FAN1: variants seen among roughly 807,000 people sequenced by gnomAD.
The protein encoded by FAN1 is fanconi-associated nuclease 1.
FAN1 carries 91 observed loss-of-function variants against 104.9 expected under a neutral mutation model. The observed-to-expected ratio is 0.87, with a 90% CI of 0.73 to 1.03. The LOEUF (loss-of-function observed/expected upper bound fraction) is 1.03. Ranked by LOEUF, FAN1 falls within the 50% of genes least tolerant of loss-of-function variation. FAN1 has a pLI of 0.00. For synonymous variants in FAN1, 478 were observed against 457.6 expected (o/e 1.04, Z -0.57); for missense variants, 1,263 against 1,239.9 (o/e 1.02, Z -0.28).
chr15:30,926,155 T>C (rs1057405731), intron 10 of FAN1, among the ~76,000 whole-genome samples: 1 of 152,240 alleles, frequency 6.6e-6, no homozygotes, highest in Admixed American at 6.5e-5. Flanking sequence ...TGATCTTTTT[T>C]CTTTTATAAA....
Position 30,941,852 on chromosome 15 carries a change from C to T in FAN1, c.*290C>T, listed in dbSNP as rs758658492. 1 of 1,614,028 alleles carries T rather than the reference C, an allele frequency of 6.2e-7. No homozygotes were observed. The highest frequency in any genetic ancestry group is 8.5e-7 in the Non-Finnish European group (1 of 1,179,898). On this transcript the variant is annotated 3_prime_UTR_variant, in exon 15 of 15. Transcript: ENST00000362065. ...CAGTTTCCACAGTTTTATGTGTGTT[C>T]CAGAGACACGTGGCAGAATAACACC... is the stretch of plus-strand genomic sequence containing the variant.
chr15:30,933,159 G>A (rs2062759451), intron 13 of FAN1, among the ~76,000 whole-genome samples: 3 of 151,832 alleles, frequency 2.0e-5, no homozygotes, highest in South Asian at 2.1e-4. Flanking sequence ...TGATTTTCTC[G>A]AAGAATCAGC....
At chr15:30,936,717 C>T (rs1271251394) in intron 13 of FAN1, among the ~76,000 whole-genome samples, 2 of 152,192 alleles carry the variant, frequency 1.3e-5, no homozygotes, top group African/African-American at 2.4e-5. Context: ...TTAGCTTAGC[C>T]TACCTTAAAT....
intron 8 of FAN1, among the ~76,000 whole-genome samples, chr15:30,923,231 GCTATTTC>G (rs1040934114): frequency 2.6e-5 from 4 of 152,162 alleles, no homozygotes; most frequent in African/African-American, 9.7e-5. Flanking sequence ...AGCCAGTAAA[GCTATTTC>G]CTCTCATGGA....
rs1335641472 is a variant in FAN1, at chr15:30,943,053, T to C, written c.*1491T>C. The C allele has an allele frequency of 8.5e-6, 13 of 1,534,446 alleles. No individual in the cohort carries two copies. Among genetic ancestry groups the C allele is most frequent in the Non-Finnish European group, 1.8e-6 (2 of 1,142,494 alleles). On this transcript the variant is annotated 3_prime_UTR_variant, in exon 15 of 15. Coordinates refer to ENST00000362065, the MANE Select transcript of FAN1 (RefSeq NM_014967.5). The stretch of plus-strand genomic sequence containing the variant: ...GCCCTTCTCATCACCCAATTGGATG[T>C]TTTTGCTTATAGCAAATTCCTGCAA...
rs1450936725 is a variant in FAN1, at chr15:30,929,834, TATA to T, written c.2787+441_2787+443del. 3.0e-4 allele frequency among the ~76,000 whole-genome samples: 22 copies of T among 74,210 alleles called. 6 individuals carry two copies. The highest frequency in any genetic ancestry group is 1.4e-3 in the African/African-American group (17 of 11,842). The allele number at this position is 74,210 out of a possible 152,430, so 48.7% of individuals were successfully genotyped here. On this transcript the variant is annotated intron_variant, in intron 12 of 14. Transcript: ENST00000362065. Reference sequence around the variant, plus strand: ...ATATAATATATTATATCATATATAATATAATATATAAAATATATATCATATATA... The same window carrying T: ...ATATAATATATTATATCATATATAATATATATAAAATATATATCATATATA...
intron 13 of FAN1, among the ~76,000 whole-genome samples, chr15:30,936,019 A>AT (rs541729523): frequency 3.3e-5 from 5 of 150,498 alleles, no homozygotes; most frequent in Non-Finnish European, 5.9e-5. Context: ...TTCTTTAAGT[A>AT]TTTTTTTTTC....
intron 8 of FAN1, among the ~76,000 whole-genome samples, chr15:30,924,617 CT>C (rs1181021084): frequency 2.0e-5 from 3 of 152,170 alleles, no homozygotes; most frequent in Admixed American, 2.0e-4. Context: ...TCCTCCAAAC[CT>C]TTGGCTCCTG....
At chr15:30,925,747 G>C in intron 9 of FAN1, 42 bp from the exon 10 acceptor site, 1 of 1,608,780 alleles carries the variant, frequency 6.2e-7, no homozygotes, top group South Asian at 1.1e-5. Flanking sequence ...AGGGACTTTT[G>C]CTGACCTGAG....
chr15:30,905,150 T>C lies in FAN1; in HGVS notation c.487T>C (p.Tyr163His). 1 of 1,613,768 alleles carries C rather than the reference T, an allele frequency of 6.2e-7. No individual in the cohort carries two copies. Among genetic ancestry groups the C allele is most frequent in the Non-Finnish European group, 8.5e-7 (1 of 1,179,982 alleles). The change falls in exon 2 of 15, where the codon TAC becomes CAC. Residue 163 changes from tyrosine to histidine, a missense_variant. By Grantham distance (83) the Tyr-to-His change is moderately conservative. This residue lies in a region of FAN1 where 682 missense variants were observed against 571.1 expected (regional missense o/e 1.19). Coordinates refer to ENST00000362065, the MANE Select transcript of FAN1 (RefSeq NM_014967.5). ...CCTAGCATCTAAATTGTCCAGAAAA[T>C]ACGTAAAGGCTAAAAAATCAATAGA... Reference protein sequence around the residue: ...GSLASKLSRKYVKAKKSIDKD... With the variant: ...GSLASKLSRKHVKAKKSIDKD...
chr15:30,922,490 T>A, intron 8 of FAN1, 136 bp downstream of exon 8: 1 of 939,910 alleles, frequency 1.1e-6, no homozygotes. Flanking sequence ...CTTTTGTCTG[T>A]GTTCTTCCAA....
At position 30,929,335 on chromosome 15, in the gene FAN1, C is replaced by T; in HGVS notation, c.2725C>T (p.Gln909Ter). The T allele has an allele frequency of 6.2e-7, 1 of 1,611,696 alleles. No homozygotes were observed. The highest frequency in any genetic ancestry group is 8.5e-7 in the Non-Finnish European group (1 of 1,179,050). ...CTGGGTGGCAGCCACGTGGCATGAG[C>T]AGGAAGGCAGAGTGGCTTCCCTTGT... Reference protein sequence around the residue: ...RAWVAATWHEQEGRVASLVSW... With the variant: ...RAWVAATWHE The change falls in exon 12 of 15, where the codon CAG becomes TAG. Residue 909 changes from glutamine (Q) to a stop codon, truncating the protein, a stop_gained. Coordinates refer to ENST00000362065, the MANE Select transcript of FAN1 (RefSeq NM_014967.5). LOFTEE classifies it high-confidence loss of function.
Position 30,908,120 on chromosome 15 carries a change from A to C in FAN1, c.1237A>C (p.Thr413Pro). 1 of 1,594,342 alleles carries C rather than the reference A, an allele frequency of 6.3e-7. No homozygotes were observed. Among genetic ancestry groups the C allele is most frequent in the South Asian group, 1.2e-5 (1 of 85,678 alleles). Residue 413 changes from threonine (T) to proline (P), a missense_variant and splice_region_variant, in exon 3 of 15, where the codon ACT becomes CCT. Physicochemically the swap from Thr to Pro is conservative, Grantham distance 38. Around this residue, in one of 2 missense-constraint regions of FAN1, gnomAD observed 682 missense variants for 571.1 expected, o/e 1.19. Transcript: ENST00000362065. ...CATTTTTCTTAACTTTATTGCAGCTACTGGTCAGAAGTTATATGTAAGGCT... is the reference window on the plus strand; with the variant it reads ...CATTTTTCTTAACTTTATTGCAGCTCCTGGTCAGAAGTTATATGTAAGGCT... ...IVTKFYQLSA[T>P]GQKLYVRLFQ... is the part of the protein sequence containing the mutation.
chr15:30,913,839 T>A lies in FAN1; in HGVS notation c.1578-19T>A, dbSNP rs549794869. ...TGCTTAAAAAGCTAAAAGTTATTTCTACATTGTACATTTTTCAGAGCCAAA... is the reference window on the plus strand; with the variant it reads ...TGCTTAAAAAGCTAAAAGTTATTTCAACATTGTACATTTTTCAGAGCCAAA... On this transcript the variant is annotated intron_variant, in intron 4 of 14. Coordinates refer to ENST00000362065, the MANE Select transcript of FAN1 (RefSeq NM_014967.5). The A allele has an allele frequency of 9.9e-6, 15 of 1,510,948 alleles. No individual in the cohort carries two copies. The highest frequency in any genetic ancestry group is 3.5e-4 in the Middle Eastern group (2 of 5,782). 93.6% of individuals were successfully genotyped at this position (1,510,948 alleles called of 1,614,324 possible).
intron 5 of FAN1, among the ~76,000 whole-genome samples, chr15:30,915,152 C>T (rs1457820762): frequency 6.6e-6 from 1 of 152,146 alleles, no homozygotes; most frequent in Admixed American, 6.5e-5. Flanking sequence ...TCCATGGTGG[C>T]AACATGGCTG....
intron 14 of FAN1, 128 bp from the exon 15 acceptor site, chr15:30,941,438 C>G (rs1039302976): frequency 2.9e-5 from 45 of 1,573,280 alleles, no homozygotes; most frequent in Non-Finnish European, 3.6e-5. Flanking sequence ...AAGTTGACAG[C>G]TTCCCTCAAA....
chr15:30,904,892 G>T lies in FAN1; in HGVS notation c.229G>T (p.Val77Phe), dbSNP rs533629765. The T allele has an allele frequency of 6.9e-5, 111 of 1,613,974 alleles. 2 individuals are homozygous for T. The South Asian group carries it at 1.1e-3, about 17-fold the overall frequency. Residue 77 changes from valine to phenylalanine, a missense_variant, in exon 2 of 15, where the codon GTT becomes TTT. Physicochemically the swap from Val to Phe is conservative, Grantham distance 50 (BLOSUM62 -1). Transcript: ENST00000362065. ...CTTCGTTCAAGTGGATCCAGGGCAG[G>T]TTGGCTTAATAAATTCAAATGTGTC... ...NDFVQVDPGQVGLINSNVSMV... is the reference protein window; with the variant it reads ...NDFVQVDPGQFGLINSNVSMV...
At chr15:30,936,981 A>G (rs1054487015) in intron 13 of FAN1, 138 bp from the exon 14 acceptor site, 9 of 695,580 alleles carry the variant, frequency 1.3e-5, no homozygotes, top group Middle Eastern at 4.0e-4. Context: ...GACCATCCGT[A>G]TATTTGTGTT....
chr15:30,940,430 C>A (rs542976793), intron 14 of FAN1: 1 of 985,416 alleles, frequency 1.0e-6, no homozygotes. Context: ...TCCTCTATTC[C>A]TAAGCATTAG....
Sources: allele counts gnomAD v4.1 joint callset (sites outside exome capture counted in the v4.1 genomes callset), GRCh38; gene constraint gnomAD v4.1.1; regional missense constraint gnomAD v4.1.1; transcripts MANE v1.5; gene names NCBI Gene and HGNC (gene_info 2026-07-23, HGNC 2026-07-21).